Variants in HERC4 observed in about 807,000 individuals in gnomAD.
HERC4 encodes HECT and RLD domain containing E3 ubiquitin protein ligase 4, also known as probable E3 ubiquitin-protein ligase HERC4.
HERC4 carries 28 observed loss-of-function variants against 124.3 expected under a neutral mutation model. The observed-to-expected ratio is 0.23, with a 90% CI of 0.17 to 0.31. The LOEUF is 0.31. Ranked by LOEUF, HERC4 falls within the 10% of genes least tolerant of loss-of-function variation. The probability of loss-of-function intolerance (pLI) is 1.00; values close to 1 mark genes in which losing one functional copy is unlikely to be tolerated. For missense variants in HERC4, 713 were observed against 1,229.3 expected (o/e 0.58, Z 6.28); for synonymous variants, 407 against 421.5 (o/e 0.97, Z 0.42).
chr10:68,029,898 C>G lies in HERC4; in HGVS notation c.777+2880G>C, dbSNP rs542125027. On this transcript the variant is annotated intron_variant, in intron 7 of 24. Coordinates refer to ENST00000373700, the MANE Select transcript of HERC4 (RefSeq NM_015601.4). ...GGATTACAGGCGCCTGCCACCACGC[C>G]CGGCTAATTTTTTGTATTTTTAGTA... Among the ~76,000 whole-genome samples the G allele has an allele frequency of 3.1e-3, 465 of 151,232 alleles. 4 individuals carry two copies. The highest frequency in any genetic ancestry group is 0.011 in the African/African-American group (442 of 41,344).
intron 16 of HERC4, among the ~76,000 whole-genome samples, chr10:67,960,090 T>C (rs538873928): frequency 5.6e-4 from 86 of 152,342 alleles, no homozygotes; most frequent in Middle Eastern, 3.4e-3. Flanking sequence ...GCTTGGGCCA[T>C]GTGCTGTCAG....
intron 11 of HERC4, 95 bp from the exon 12 acceptor site, chr10:67,991,294 T>C (rs2036537243): frequency 3.1e-6 from 2 of 648,008 alleles, no homozygotes; most frequent in East Asian, 3.1e-5. Flanking sequence ...ATTAATCTAA[T>C]GTTTAATGCT....
At chr10:67,987,362 G>C (rs923742941) in intron 15 of HERC4, among the ~76,000 whole-genome samples, 1 of 152,148 alleles carries the variant, frequency 6.6e-6, no homozygotes, top group African/African-American at 2.4e-5. Context: ...AAGATAAGCA[G>C]ATAATGAAAG....
intron 23 of HERC4, among the ~76,000 whole-genome samples, chr10:67,928,893 C>G (rs1481461713): frequency 6.6e-6 from 1 of 152,006 alleles, no homozygotes; most frequent in Non-Finnish European, 1.5e-5. Context: ...TGCACTCCAG[C>G]CTGGGCGACA....
chr10:68,012,229 T>G (rs1329278992), intron 9 of HERC4, among the ~76,000 whole-genome samples: 2 of 152,204 alleles, frequency 1.3e-5, no homozygotes, highest in Non-Finnish European at 2.9e-5. Flanking sequence ...GTTTTTCACT[T>G]TCTTACCATT....
At chr10:67,928,658 C>T (rs1334575212) in intron 23 of HERC4, among the ~76,000 whole-genome samples, 1 of 152,140 alleles carries the variant, frequency 6.6e-6, no homozygotes, top group Non-Finnish European at 1.5e-5. Context: ...AGCGGTGGCT[C>T]ACACCTGTAA....
chr10:68,006,941 T>C (rs1166497470), intron 9 of HERC4, among the ~76,000 whole-genome samples: 3 of 152,216 alleles, frequency 2.0e-5, no homozygotes, highest in Non-Finnish European at 4.4e-5. Flanking sequence ...GATTATCAAA[T>C]GTCTTGAGGT....
chr10:67,923,370 TA>T (rs768837065), intron 24 of HERC4, among the ~76,000 whole-genome samples: 7 of 152,202 alleles, frequency 4.6e-5, no homozygotes, highest in Non-Finnish European at 8.8e-5. Flanking sequence ...AGGAAGTGCT[TA>T]ATAAATGTTT....
At chr10:67,967,367 T>A (rs1311381490) in intron 15 of HERC4, among the ~76,000 whole-genome samples, 1 of 152,094 alleles carries the variant, frequency 6.6e-6, no homozygotes, top group African/African-American at 2.4e-5. Flanking sequence ...CAACACAGTA[T>A]GAGATATGTA....
At chr10:68,062,789 C>T (rs1487142747) in intron 3 of HERC4, among the ~76,000 whole-genome samples, 2 of 151,884 alleles carry the variant, frequency 1.3e-5, no homozygotes, top group South Asian at 2.1e-4. Context: ...AAATAAAGGA[C>T]TACCATCACA....
intron 9 of HERC4, among the ~76,000 whole-genome samples, chr10:68,012,161 G>A (rs1333521885): frequency 6.6e-6 from 1 of 152,164 alleles, no homozygotes; most frequent in African/African-American, 2.4e-5. Context: ...CTAATGTTGT[G>A]GCTGGTGTGA....
intron 3 of HERC4, among the ~76,000 whole-genome samples, chr10:68,047,263 A>C (rs1325510754): frequency 6.6e-6 from 1 of 152,078 alleles, no homozygotes; most frequent in East Asian, 1.9e-4. Context: ...CCAAAAGTTC[A>C]CAGAGAAAGA....
chr10:68,060,153 C>G (rs574468394), intron 3 of HERC4, among the ~76,000 whole-genome samples: 1 of 150,984 alleles, frequency 6.6e-6, no homozygotes, highest in South Asian at 2.1e-4. Context: ...CAGCACAGTA[C>G]CTGGCATATA....
At position 68,014,088 on chromosome 10, in the gene HERC4, T is replaced by C. The variant is rs1281858983; in HGVS notation, c.1007A>G (p.Lys336Arg). The change falls in exon 9 of 25, where the codon AAA (lysine) becomes AGA (arginine). Residue 336 changes from lysine to arginine, a missense_variant. By Grantham distance (26) the Lys-to-Arg change is conservative. Coordinates refer to ENST00000373700, the MANE Select transcript of HERC4 (RefSeq NM_015601.4). ...ATTTCCTTTTACAGTAAAGGGGCTT[T>C]TCCTGTTGCTTGTTGAACCGGTTCC... is the stretch of plus-strand genomic sequence containing the variant. ...QLGTGSTSNR[K>R]SPFTVKGNWY... 2 of 1,613,770 alleles carry C rather than the reference T, an allele frequency of 1.2e-6. No homozygotes were observed. The highest frequency in any genetic ancestry group is 2.2e-5 in the South Asian group (2 of 91,042).
chr10:67,998,661 G>A (rs1277559861), intron 9 of HERC4, among the ~76,000 whole-genome samples: 1 of 151,962 alleles, frequency 6.6e-6, no homozygotes, highest in African/African-American at 2.4e-5. Context: ...TATGCCAGTG[G>A]TTCTCTAACC....
intron 9 of HERC4, chr10:67,996,198 A>G (rs1181311376): frequency 1.4e-5 from 6 of 427,354 alleles, no homozygotes; most frequent in Non-Finnish European, 2.3e-5. Flanking sequence ...TCTGAGCCCA[A>G]GAGGTCGAGG....
intron 15 of HERC4, among the ~76,000 whole-genome samples, chr10:67,988,335 C>G (rs1011962707): frequency 2.0e-5 from 3 of 152,202 alleles, no homozygotes; most frequent in African/African-American, 2.4e-5. Flanking sequence ...TAACCACTTA[C>G]AGCTAACAAA....
intron 16 of HERC4, chr10:67,960,978 T>G (rs1413837632): frequency 8.3e-6 from 3 of 361,856 alleles, no homozygotes; most frequent in Non-Finnish European, 1.0e-5. Flanking sequence ...TTCATCACTT[T>G]CTTGCGGATT....
chr10:67,988,583 T>G, intron 15 of HERC4, 80 bp downstream of exon 15: 1 of 934,790 alleles, frequency 1.1e-6, no homozygotes. Flanking sequence ...AAATCTTTAA[T>G]AGATTAATGT....
Sources: gnomAD v4.1 joint callset for allele counts (sites outside exome capture counted in the v4.1 genomes callset) on GRCh38, gnomAD v4.1.1 for gene constraint, MANE v1.5 for transcripts, NCBI Gene and HGNC (gene_info 2026-07-23, HGNC 2026-07-21) for gene names.